Variants in GLIS3 observed in about 807,000 individuals in gnomAD.
The protein encoded by GLIS3 is GLIS family zinc finger 3, also known as zinc finger protein GLIS3.
GLIS3 carries 53 observed loss-of-function variants against 78.6 expected under a neutral mutation model. That is an observed-to-expected ratio of 0.67 (90% CI 0.54 to 0.85). The LOEUF is 0.85. Among genes scored for constraint, GLIS3 ranks in the 40% least tolerant of loss-of-function variants. The probability of loss-of-function intolerance (pLI) is 0.00; values close to 1 mark genes in which losing one functional copy is unlikely to be tolerated. For missense variants in GLIS3, 1,703 were observed against 1,231.1 expected (o/e 1.38, Z -5.74); for synonymous variants, 684 against 509.9 (o/e 1.34, Z -4.60).
intron 4 of GLIS3, among the ~76,000 whole-genome samples, chr9:4,007,300 A>G (rs966484607): frequency 1.3e-5 from 2 of 151,970 alleles, no homozygotes; most frequent in South Asian, 2.1e-4. Flanking sequence ...GACAGTAGAG[A>G]TCTGAGCTTT....
chr9:3,839,388 C>T (rs1818576724), intron 9 of GLIS3, among the ~76,000 whole-genome samples: 1 of 152,142 alleles, frequency 6.6e-6, no homozygotes, highest in African/African-American at 2.4e-5. Context: ...TTCTTACTGG[C>T]GGGTTCCTTG....
intron 4 of GLIS3, among the ~76,000 whole-genome samples, chr9:4,024,492 C>G (rs935081371): frequency 1.3e-5 from 2 of 152,124 alleles, no homozygotes; most frequent in African/African-American, 2.4e-5. Context: ...CATGTGGCCA[C>G]TGCTTAAATC....
chr9:4,400,400 T>G, the GLIS3 span, among the ~76,000 whole-genome samples: 2 of 152,230 alleles, frequency 1.3e-5, no homozygotes, highest in Non-Finnish European at 2.9e-5. Context: ...ATCAAAGCTG[T>G]TGGAACTTCT....
intron 6 of GLIS3, among the ~76,000 whole-genome samples, chr9:3,923,010 A>C (rs1437446673): frequency 2.0e-5 from 3 of 152,178 alleles, no homozygotes; most frequent in Admixed American, 6.5e-5. Flanking sequence ...CTAGAATTCC[A>C]AGATAATTAG....
chr9:4,314,059 T>A (rs1440589862), intron 2 of GLIS3, among the ~76,000 whole-genome samples: 1 of 152,240 alleles, frequency 6.6e-6, no homozygotes, highest in African/African-American at 2.4e-5. Context: ...CTCTAGCGTT[T>A]ATTAGCTGGT....
At chr9:4,427,352 T>C in the GLIS3 span, among the ~76,000 whole-genome samples, 2 of 152,300 alleles carry the variant, frequency 1.3e-5, no homozygotes, top group South Asian at 4.1e-4. Flanking sequence ...ATTTAGCAAC[T>C]ATTAGATGCC....
chr9:3,872,379 T>G (rs1821024743), intron 8 of GLIS3, among the ~76,000 whole-genome samples: 1 of 152,216 alleles, frequency 6.6e-6, no homozygotes, highest in South Asian at 2.1e-4. Flanking sequence ...AGCAATTTAC[T>G]TTATTAGTCT....
At chr9:4,430,742 CA>C in the GLIS3 span, among the ~76,000 whole-genome samples, 9 of 148,060 alleles carry the variant, frequency 6.1e-5, no homozygotes, top group East Asian at 3.9e-4. Context: ...ATTCTCCTTT[CA>C]AAAAAAAAAT....
intron 9 of GLIS3, among the ~76,000 whole-genome samples, chr9:3,850,527 A>G (rs1333117385): frequency 6.6e-6 from 1 of 152,196 alleles, no homozygotes; most frequent in Non-Finnish European, 1.5e-5. Flanking sequence ...GAACTCTTTA[A>G]TAAGTCACTG....
At chr9:4,470,121 C>A in the GLIS3 span, among the ~76,000 whole-genome samples, 26 of 152,096 alleles carry the variant, frequency 1.7e-4, no homozygotes, top group Non-Finnish European at 3.4e-4. Context: ...AATAACCCAC[C>A]AACCAAAAAC....
chr9:4,449,176 A>G, the GLIS3 span, among the ~76,000 whole-genome samples: 2 of 152,180 alleles, frequency 1.3e-5, no homozygotes, highest in Admixed American at 1.3e-4. Flanking sequence ...TATACCATGC[A>G]TGGCTTGGCG....
chr9:4,481,515 AGTGTGTGTGTGTGT>A, the GLIS3 span, among the ~76,000 whole-genome samples: 639 of 147,588 alleles, frequency 4.3e-3, 4 homozygotes, highest in African/African-American at 0.015. Flanking sequence ...TAAAAACATA[AGTGTGTGTGTGTGT>A]GTGTGTGTGT....
chr9:4,065,733 T>G (rs1216915543), intron 4 of GLIS3, among the ~76,000 whole-genome samples: 1 of 152,104 alleles, frequency 6.6e-6, no homozygotes, highest in Non-Finnish European at 1.5e-5. Flanking sequence ...AGTGAAGAGG[T>G]CTAAGATGCT....
chr9:3,855,092 C>G (rs1819680213), intron 9 of GLIS3, among the ~76,000 whole-genome samples: 2 of 152,194 alleles, frequency 1.3e-5, no homozygotes, highest in South Asian at 4.1e-4. Context: ...TTATACAGAT[C>G]TGATTGCCCT....
chr9:4,174,516 A>G (rs1816651720), intron 2 of GLIS3, among the ~76,000 whole-genome samples: 1 of 152,258 alleles, frequency 6.6e-6, no homozygotes, highest in African/African-American at 2.4e-5. Flanking sequence ...TAGGATCATC[A>G]AAAGAAAAAG....
intron 2 of GLIS3, among the ~76,000 whole-genome samples, chr9:4,279,117 T>C (rs923441702): frequency 2.0e-5 from 3 of 151,800 alleles, no homozygotes; most frequent in Non-Finnish European, 2.9e-5. Context: ...CTGGCCAAGA[T>C]GGTGAAACCC....
rs530115489 is a variant in GLIS3, at chr9:4,211,628, A to G, written c.388+74410T>C. Among the ~76,000 whole-genome samples, 50 of 152,336 alleles carry G rather than the reference A, an allele frequency of 3.3e-4. 1 individual carries two copies. In the South Asian group the frequency reaches 9.9e-3, roughly 30 times the overall value. Reference sequence around the variant, plus strand: ...GCAAAACAGTTTGGTAGTTTCTTAAAACGTTAAATTTAAATTTACCCAGAA... The same window carrying G: ...GCAAAACAGTTTGGTAGTTTCTTAAGACGTTAAATTTAAATTTACCCAGAA... On this transcript the variant is annotated intron_variant, in intron 2 of 10. Coordinates refer to ENST00000381971, the MANE Select transcript of GLIS3 (RefSeq NM_001042413.2).
chr9:4,333,210 G>A (rs1817710340), intron 2 of GLIS3, among the ~76,000 whole-genome samples: 1 of 102,806 alleles, frequency 9.7e-6, no homozygotes, highest in South Asian at 3.5e-4. Context: ...AGTGAGACAA[G>A]AATGAAAAGG....
chr9:4,102,926 T>C (rs1830481638), intron 4 of GLIS3, among the ~76,000 whole-genome samples: 1 of 151,772 alleles, frequency 6.6e-6, no homozygotes, highest in Non-Finnish European at 1.5e-5. Context: ...GAGGAATAAG[T>C]AGGTGTTGGA....
Sources: gnomAD v4.1 joint callset for allele counts (sites outside exome capture counted in the v4.1 genomes callset) on GRCh38, gnomAD v4.1.1 for gene constraint, MANE v1.5 for transcripts, NCBI Gene and HGNC (gene_info 2026-07-23, HGNC 2026-07-21) for gene names.